TMCO5A: variants seen among roughly 807,000 people sequenced by gnomAD.
TMCO5A encodes transmembrane and coiled-coil domain-containing protein 5A.
TMCO5A carries 34 observed loss-of-function variants against 42.3 expected under a neutral mutation model. That is an observed-to-expected ratio of 0.80 (90% CI 0.61 to 1.07). The LOEUF is 1.07. Ranked by LOEUF, TMCO5A falls within the 50% of genes least tolerant of loss-of-function variation. The pLI is 0.00. For synonymous variants in TMCO5A, 131 were observed against 115.6 expected, an observed-to-expected ratio of 1.13 and a Z score of -0.86; for missense variants, 357 against 327.9, an observed-to-expected ratio of 1.09 and a Z score of -0.69.
the TMCO5A span, among the ~76,000 whole-genome samples, chr15:38,019,816 G>T: frequency 4.0e-5 from 6 of 148,450 alleles, no homozygotes; most frequent in Non-Finnish European, 8.9e-5. Context: ...GTCTTGCCTT[G>T]TTACCTAAAC....
chr15:38,012,747 G>A, the TMCO5A span, among the ~76,000 whole-genome samples: 1 of 152,154 alleles, frequency 6.6e-6, no homozygotes, highest in Non-Finnish European at 1.5e-5. Context: ...TTGGTCCCAT[G>A]CAGAACACTA....
the TMCO5A span, among the ~76,000 whole-genome samples, chr15:37,995,855 AC>A: frequency 3.3e-3 from 494 of 150,268 alleles, 4 homozygotes; most frequent in African/African-American, 0.012. Context: ...CAAAAAAAAA[AC>A]AAACAAACAA....
the TMCO5A span, among the ~76,000 whole-genome samples, chr15:38,034,508 T>C: frequency 6.6e-6 from 1 of 152,196 alleles, no homozygotes; most frequent in Non-Finnish European, 1.5e-5. Flanking sequence ...CTTTAAAATA[T>C]CGAAACGATG....
chr15:38,040,093 A>G, the TMCO5A span: 6,472 of 152,308 alleles, frequency 0.042, 164 homozygotes, highest in South Asian at 0.076. Context: ...ATAGCTGTGT[A>G]CTTCATCAAG....
chr15:37,972,849 T>C, the TMCO5A span, among the ~76,000 whole-genome samples: 1 of 152,232 alleles, frequency 6.6e-6, no homozygotes, highest in Non-Finnish European at 1.5e-5. Flanking sequence ...ATGAAATCTT[T>C]GTGAGGACGT....
the TMCO5A span, among the ~76,000 whole-genome samples, chr15:37,999,950 A>G: frequency 1.3e-5 from 2 of 152,180 alleles, no homozygotes; most frequent in African/African-American, 4.8e-5. Context: ...GGATTTTTAC[A>G]TCACTGTTCA....
the TMCO5A span, among the ~76,000 whole-genome samples, chr15:38,028,832 A>C: frequency 6.6e-6 from 1 of 152,162 alleles, no homozygotes; most frequent in Non-Finnish European, 1.5e-5. Flanking sequence ...TCTCCAGTGC[A>C]CTTGATGCAA....
chr15:38,030,993 G>C, the TMCO5A span, among the ~76,000 whole-genome samples: 2 of 152,148 alleles, frequency 1.3e-5, no homozygotes, highest in Non-Finnish European at 2.9e-5. Flanking sequence ...GCACCAGAAG[G>C]TCAAGGTGTA....
At chr15:37,979,808 G>C in the TMCO5A span, among the ~76,000 whole-genome samples, 1 of 152,156 alleles carries the variant, frequency 6.6e-6, no homozygotes, top group South Asian at 2.1e-4. Context: ...GGGCAGAGCT[G>C]CTACCAGCAC....
At chr15:37,974,155 T>C in the TMCO5A span, among the ~76,000 whole-genome samples, 1 of 152,178 alleles carries the variant, frequency 6.6e-6, no homozygotes, top group Non-Finnish European at 1.5e-5. Flanking sequence ...TTGCTGGATT[T>C]TGTTTGCTGA....
At chr15:38,019,569 A>T in the TMCO5A span, among the ~76,000 whole-genome samples, 1 of 151,958 alleles carries the variant, frequency 6.6e-6, no homozygotes, top group Non-Finnish European at 1.5e-5. Flanking sequence ...AACCTCCCCC[A>T]CTGTCAGCAT....
the TMCO5A span, among the ~76,000 whole-genome samples, chr15:38,003,271 C>A: frequency 1.4e-5 from 2 of 146,154 alleles, no homozygotes; most frequent in East Asian, 1.9e-4. Flanking sequence ...ACTCTCTCCC[C>A]ACTTGAAGCT....
the TMCO5A span, among the ~76,000 whole-genome samples, chr15:38,018,153 T>C: frequency 6.6e-6 from 1 of 152,122 alleles, no homozygotes; most frequent in South Asian, 2.1e-4. Context: ...TCAGTGACAT[T>C]CACAAATTCT....
At chr15:37,989,554 T>C in the TMCO5A span, among the ~76,000 whole-genome samples, 912 of 152,170 alleles carry the variant, frequency 6.0e-3, 7 homozygotes, top group Middle Eastern at 0.037. Flanking sequence ...TCATCTTGGA[T>C]ACATTGGTTG....
At position 37,937,367 on chromosome 15, in the gene TMCO5A, G is replaced by A; in HGVS notation, c.286G>A (p.Val96Ile). The change falls in exon 5 of 12, where the codon GTC becomes ATC. Residue 96 changes from valine to isoleucine, a missense_variant. Val to Ile is a conservative substitution (Grantham distance 29, BLOSUM62 3). Transcript: ENST00000319669. ...ARLERKNKTL[V>I]HSITELQQKL... ...ACAGGAAAGGAAGAATAAGACGTTGGTCCACAGTATAACAGAACTTCAACA... is the reference window on the plus strand; with the variant it reads ...ACAGGAAAGGAAGAATAAGACGTTGATCCACAGTATAACAGAACTTCAACA... The A allele has an allele frequency of 6.2e-7, 1 of 1,613,068 alleles. No homozygotes were observed.
chr15:38,004,211 G>A, the TMCO5A span, among the ~76,000 whole-genome samples: 2 of 152,148 alleles, frequency 1.3e-5, no homozygotes, highest in African/African-American at 4.8e-5. Flanking sequence ...CTGTGAGCTA[G>A]GGCCTAGAAA....
the TMCO5A span, among the ~76,000 whole-genome samples, chr15:38,008,527 G>A: frequency 3.9e-5 from 6 of 152,126 alleles, 1 homozygote; most frequent in Non-Finnish European, 8.8e-5. Context: ...CTGCAATAAG[G>A]TAGATAGGAT....
chr15:37,999,720 A>G, the TMCO5A span, among the ~76,000 whole-genome samples: 1 of 152,124 alleles, frequency 6.6e-6, no homozygotes, highest in Admixed American at 6.5e-5. Flanking sequence ...CAGTTTTTTA[A>G]GGGTTTTTTT....
chr15:37,986,380 GGTGTGTGTGTGTGTGTGTGT>G, the TMCO5A span, among the ~76,000 whole-genome samples: 131 of 139,292 alleles, frequency 9.4e-4, no homozygotes, highest in African/African-American at 3.2e-3. Context: ...GGTAAGGGAT[GGTGTGTGTGTGTGTGTGTGT>G]GTGTGTGTGT....
Sources: gnomAD v4.1 joint callset for allele counts (sites outside exome capture counted in the v4.1 genomes callset) on GRCh38, gnomAD v4.1.1 for gene constraint, MANE v1.5 for transcripts, NCBI Gene and HGNC (gene_info 2026-07-23, HGNC 2026-07-21) for gene names.